ANKS1B: variants seen among roughly 807,000 people sequenced by gnomAD.
ANKS1B encodes the protein ankyrin repeat and sterile alpha motif domain-containing protein 1B.
In ANKS1B, 36 loss-of-function variants were observed where a neutral mutation model predicts 148.3. That is an observed-to-expected ratio of 0.24 (90% CI 0.19 to 0.32). The LOEUF (loss-of-function observed/expected upper bound fraction) is 0.32, where lower values mean the gene tolerates loss of function less well. Ranked by LOEUF, ANKS1B falls within the 10% of genes least tolerant of loss-of-function variation. The probability of loss-of-function intolerance (pLI) is 1.00; values close to 1 mark genes in which losing one functional copy is unlikely to be tolerated. For synonymous variants in ANKS1B, 542 were observed against 560.8 expected, an observed-to-expected ratio of 0.97 and a Z score of 0.47; for missense variants, 1,157 against 1,542.6, an observed-to-expected ratio of 0.75 and a Z score of 4.19.
chr12:98,851,389 T>A (rs1001927170), intron 17 of ANKS1B, among the ~76,000 whole-genome samples: 1 of 152,026 alleles, frequency 6.6e-6, no homozygotes, highest in African/African-American at 2.4e-5. Context: ...AGAAGGAGAT[T>A]TCCAAGTAAA....
chr12:98,773,919 C>G (rs989738396), intron 24 of ANKS1B, among the ~76,000 whole-genome samples: 1 of 152,176 alleles, frequency 6.6e-6, no homozygotes, highest in African/African-American at 2.4e-5. Flanking sequence ...CTCTTCAAAT[C>G]CCTCGCCATC....
At chr12:99,226,007 T>C (rs1375187698) in intron 14 of ANKS1B, among the ~76,000 whole-genome samples, 4 of 152,242 alleles carry the variant, frequency 2.6e-5, no homozygotes, top group African/African-American at 9.6e-5. Context: ...ATCTAGTTCA[T>C]ACCTTTTACT....
chr12:99,615,143 T>C (rs1308065817), intron 9 of ANKS1B, among the ~76,000 whole-genome samples: 3 of 151,508 alleles, frequency 2.0e-5, no homozygotes, highest in African/African-American at 4.9e-5. Flanking sequence ...CAGATGACAT[T>C]AGGTAGGTAG....
intron 4 of ANKS1B, among the ~76,000 whole-genome samples, chr12:99,805,235 A>G (rs1260282647): frequency 6.8e-6 from 1 of 146,202 alleles, no homozygotes; most frequent in Non-Finnish European, 1.5e-5. Context: ...CTTGGAAGCC[A>G]AGAAATAACC....
At chr12:99,034,228 T>C (rs963305169) in intron 17 of ANKS1B, among the ~76,000 whole-genome samples, 5 of 152,222 alleles carry the variant, frequency 3.3e-5, no homozygotes, top group African/African-American at 7.2e-5. Flanking sequence ...AGGCCCTGCA[T>C]GCAAGAGAGC....
chr12:99,380,754 CTCCT>C (rs144164931), intron 12 of ANKS1B, among the ~76,000 whole-genome samples: 11,829 of 132,704 alleles, frequency 0.089, 503 homozygotes, highest in Middle Eastern at 0.16. Context: ...GTTTCCTTTC[CTCCT>C]TCCTTCCTTC....
chr12:99,832,733 A>AAG (rs543241140), intron 1 of ANKS1B, among the ~76,000 whole-genome samples: 258 of 150,904 alleles, frequency 1.7e-3, no homozygotes, highest in Non-Finnish European at 2.3e-3. Flanking sequence ...TTAAAAAAAA[A>AAG]AGAGAGAGAG....
intron 19 of ANKS1B, among the ~76,000 whole-genome samples, chr12:98,812,165 G>T (rs932620936): frequency 6.6e-6 from 1 of 152,218 alleles, no homozygotes; most frequent in African/African-American, 2.4e-5. Context: ...GTCAACGACA[G>T]ACTGCATATG....
chr12:98,856,659 T>G (rs923171991), intron 17 of ANKS1B, among the ~76,000 whole-genome samples: 3 of 152,150 alleles, frequency 2.0e-5, no homozygotes, highest in African/African-American at 7.2e-5. Context: ...CTCTTCCTTC[T>G]AGAAGTTAGG....
At chr12:99,415,214 A>G (rs1594341111) in intron 11 of ANKS1B, among the ~76,000 whole-genome samples, 2 of 152,202 alleles carry the variant, frequency 1.3e-5, no homozygotes, top group East Asian at 3.8e-4. Flanking sequence ...TTTTTGACTT[A>G]GGTATTGCAA....
chr12:98,771,733 C>T (rs2153475609), intron 25 of ANKS1B, among the ~76,000 whole-genome samples: 1 of 152,284 alleles, frequency 6.6e-6, no homozygotes, highest in African/African-American at 2.4e-5. Flanking sequence ...CCCACCTCGG[C>T]CTCCAAAAGT....
intron 12 of ANKS1B, among the ~76,000 whole-genome samples, chr12:99,272,900 A>C (rs1199073807): frequency 6.6e-6 from 1 of 152,154 alleles, no homozygotes; most frequent in African/African-American, 2.4e-5. Context: ...TATTCCACTG[A>C]TTATTGTGCA....
chr12:99,651,901 ATG>A (rs988982446), intron 9 of ANKS1B, among the ~76,000 whole-genome samples: 1 of 151,950 alleles, frequency 6.6e-6, no homozygotes, highest in East Asian at 1.9e-4. Flanking sequence ...CAAATTGTGT[ATG>A]TGTGTATGTG....
chr12:99,333,098 T>A (rs1033811761), intron 12 of ANKS1B, among the ~76,000 whole-genome samples: 1 of 152,076 alleles, frequency 6.6e-6, no homozygotes, highest in African/African-American at 2.4e-5. Context: ...ATTAGCCAAT[T>A]TGGCTGAAGC....
At chr12:99,121,673 TAAC>T (rs1314256358) in intron 15 of ANKS1B, among the ~76,000 whole-genome samples, 1 of 152,120 alleles carries the variant, frequency 6.6e-6, no homozygotes, top group East Asian at 1.9e-4. Context: ...AAGTTAATAA[TAAC>T]CATAGCCACG....
At chr12:99,909,347 A>G (rs892137468) in intron 1 of ANKS1B, among the ~76,000 whole-genome samples, 11 of 152,028 alleles carry the variant, frequency 7.2e-5, no homozygotes, top group African/African-American at 2.7e-4. Context: ...TACTGCTGCA[A>G]TAAACATGGG....
chr12:99,836,382 A>C (rs747856573), intron 1 of ANKS1B, among the ~76,000 whole-genome samples: 1 of 152,110 alleles, frequency 6.6e-6, no homozygotes, highest in Non-Finnish European at 1.5e-5. Context: ...TGTAATGCAC[A>C]ATTTTACAAA....
At chr12:99,678,726 T>G (rs906892014) in intron 8 of ANKS1B, among the ~76,000 whole-genome samples, 1 of 152,336 alleles carries the variant, frequency 6.6e-6, no homozygotes, top group African/African-American at 2.4e-5. Flanking sequence ...TTATTTATTG[T>G]TGTTTAATTA....
chr12:99,057,632 C>A (rs1474295287), intron 16 of ANKS1B, among the ~76,000 whole-genome samples: 1 of 152,194 alleles, frequency 6.6e-6, no homozygotes, highest in African/African-American at 2.4e-5. Flanking sequence ...TAGAATTATG[C>A]CCCTGTGCCC....
Sources: allele counts gnomAD v4.1 joint callset (sites outside exome capture counted in the v4.1 genomes callset), GRCh38; gene constraint gnomAD v4.1.1; transcripts MANE v1.5; gene names NCBI Gene and HGNC (gene_info 2026-07-23, HGNC 2026-07-21).